LANCL1: variants seen among roughly 807,000 people sequenced by gnomAD.
LANCL1 encodes glutathione S-transferase LANCL1.
Under a neutral mutation model 50.6 loss-of-function variants are expected in LANCL1, and 50 were observed. That is an observed-to-expected ratio of 0.99 (90% CI 0.79 to 1.25). The LOEUF (loss-of-function observed/expected upper bound fraction) is 1.25. LANCL1 is among the 50% of genes most tolerant of loss of function. LANCL1 has a pLI of 0.00. For synonymous variants in LANCL1, 188 were observed against 178.6 expected, an observed-to-expected ratio of 1.05 and a Z score of -0.42; for missense variants, 532 against 480.7, an observed-to-expected ratio of 1.11 and a Z score of -1.00.
chr2:210,449,008 G>GGCCA (rs1463339184), intron 4 of LANCL1, among the ~76,000 whole-genome samples: 7 of 150,298 alleles, frequency 4.7e-5, no homozygotes, highest in Non-Finnish European at 7.5e-5. Flanking sequence ...CATTTTATGA[G>GGCCA]GCATCATCCT....
At position 210,434,265 on chromosome 2, in the gene LANCL1, G is replaced by A. The variant is rs1233367874; in HGVS notation, c.*222C>T. ...TACATATCACTCACTCTCCCTTTAG[G>A]AAGAAATGGAAATTAAAGTTAAAAG... On this transcript the variant is annotated 3_prime_UTR_variant, in exon 10 of 10. Coordinates refer to ENST00000450366, the MANE Select transcript of LANCL1 (RefSeq NM_006055.3). The A allele has an allele frequency of 2.1e-6, 1 of 476,428 alleles. No homozygotes were observed. The highest frequency in any genetic ancestry group is 2.0e-5 in the African/African-American group (1 of 50,980). 29.5% of individuals were successfully genotyped at this position (476,428 alleles called of 1,614,324 possible). A position where few individuals can be genotyped will look rare whatever the true frequency, so the allele number is the denominator to read the frequency against.
intron 9 of LANCL1, 95 bp from the exon 10 acceptor site, chr2:210,434,658 T>C: frequency 1.0e-6 from 1 of 959,626 alleles, no homozygotes; most frequent in African/African-American, 1.6e-5. Flanking sequence ...ACAAAAAAAG[T>C]CACAGCATTT....
At chr2:210,463,024 A>G (rs1221796937) in intron 3 of LANCL1, among the ~76,000 whole-genome samples, 1 of 152,222 alleles carries the variant, frequency 6.6e-6, no homozygotes, top group South Asian at 2.1e-4. Context: ...AGAGGCTGAG[A>G]GTAAACACAC....
chr2:210,452,260 G>C (rs58058632), intron 4 of LANCL1, among the ~76,000 whole-genome samples: 1 of 150,748 alleles, frequency 6.6e-6, no homozygotes, highest in Non-Finnish European at 1.5e-5. Context: ...GTCCATTACT[G>C]ACTCGTCACA....
chr2:210,472,362 G>A (rs1206099766), intron 2 of LANCL1, among the ~76,000 whole-genome samples: 3 of 151,996 alleles, frequency 2.0e-5, no homozygotes, highest in East Asian at 1.9e-4. Flanking sequence ...AATAGTAATC[G>A]TCTATTATTT....
At chr2:210,471,678 A>G (rs1694228097) in intron 3 of LANCL1, 2 of 590,192 alleles carry the variant, frequency 3.4e-6, no homozygotes, top group Middle Eastern at 2.7e-4. Flanking sequence ...ACTATGTAAT[A>G]TTGAAAATCA....
rs910423497 is a variant in LANCL1, at chr2:210,431,613, CAA to C, written c.*2872_*2873del. Reference sequence around the variant, plus strand: ...AAAGGCAGGGCATCGTAAGATCAGACAAAAATTAACCTGAGGACATAGTAGCA... The same window carrying C: ...AAAGGCAGGGCATCGTAAGATCAGACAAATTAACCTGAGGACATAGTAGCA... On this transcript the variant is annotated 3_prime_UTR_variant, in exon 10 of 10. Transcript: ENST00000450366. 1.3e-5 allele frequency: 2 copies of C among 152,124 alleles called. No homozygotes were observed. Among genetic ancestry groups the C allele is most frequent in the Non-Finnish European group, 2.9e-5 (2 of 68,024 alleles). The allele number at this position is 152,124 out of a possible 1,614,324, so 9.4% of individuals were successfully genotyped here.
intron 4 of LANCL1, among the ~76,000 whole-genome samples, chr2:210,449,213 A>C (rs566880361): frequency 4.6e-5 from 7 of 152,320 alleles, no homozygotes; most frequent in African/African-American, 1.7e-4. Context: ...CAAATCAATA[A>C]ATGTAATCCG....
In LANCL1 at chr2:210,455,256, C is replaced by A. The variant is rs757378270; in HGVS notation, c.258G>T (p.Gln86His). Residue 86 changes from glutamine to histidine, a missense_variant, in exon 4 of 10, where the codon CAG becomes CAT. By Grantham distance (24) the Gln-to-His change is conservative. Transcript: ENST00000450366. ...TTTGCTTTACATAGCCATGTGCTAA[C>A]TGTAGGTAGGCAGGGTCCCCAAATA... ...YDVFGDPAYL[Q>H]LAHGYVKQSL... is the part of the protein sequence containing the mutation. 1.9e-6 allele frequency: 3 copies of A among 1,611,176 alleles called. No individual in the cohort carries two copies. Among genetic ancestry groups the A allele is most frequent in the South Asian group, 1.1e-5 (1 of 91,018 alleles).
Position 210,454,355 on chromosome 2 carries a change from A to T in LANCL1, c.407+752T>A, listed in dbSNP as rs77046790. On this transcript the variant is annotated intron_variant, in intron 4 of 9. Coordinates refer to ENST00000450366, the MANE Select transcript of LANCL1 (RefSeq NM_006055.3). ...AAAGCCTGTTGTTTAAATATACACC[A>T]GCAAACAGTATAAGATTAGCCAACG... Among the ~76,000 whole-genome samples, 118 of 152,282 alleles carry T rather than the reference A, an allele frequency of 7.7e-4. 2 individuals are homozygous for T. The highest frequency in any genetic ancestry group is 2.8e-3 in the African/African-American group (116 of 41,556).
At chr2:210,444,790 C>T (rs531886000) in intron 4 of LANCL1, among the ~76,000 whole-genome samples, 2 of 152,110 alleles carry the variant, frequency 1.3e-5, no homozygotes, top group African/African-American at 4.8e-5. Flanking sequence ...TTTTTTAAAA[C>T]AATAGGGCTT....
chr2:210,452,727 T>C (rs1048052547), intron 4 of LANCL1, among the ~76,000 whole-genome samples: 2 of 152,154 alleles, frequency 1.3e-5, no homozygotes, highest in African/African-American at 2.4e-5. Flanking sequence ...GATTAGACTT[T>C]TGATGATCTC....
At chr2:210,467,490 A>T (rs746962776) in intron 3 of LANCL1, among the ~76,000 whole-genome samples, 1 of 152,224 alleles carries the variant, frequency 6.6e-6, no homozygotes, top group Non-Finnish European at 1.5e-5. Context: ...AATGAACAGT[A>T]AATGTATTTT....
At chr2:210,446,922 T>A (rs1339419373) in intron 4 of LANCL1, among the ~76,000 whole-genome samples, 1 of 152,136 alleles carries the variant, frequency 6.6e-6, no homozygotes, top group Non-Finnish European at 1.5e-5. Flanking sequence ...TTGGAAACAC[T>A]CTTCAGGATA....
chr2:210,441,337 C>T lies in LANCL1; in HGVS notation c.514G>A (p.Glu172Lys). The change falls in exon 5 of 10, where the codon GAA (glutamate) becomes AAA (lysine). Residue 172 changes from glutamate to lysine, a missense_variant. Physicochemically the swap from Glu to Lys is moderately conservative, Grantham distance 56 (BLOSUM62 1). Transcript: ENST00000450366. ...LLFVNKNFGV[E>K]KIPQSHIQQI... Reference sequence around the variant, plus strand: ...TGAATATGGCTTTGAGGAATCTTTTCCACTCCAAAGTTCTTATTGACAAAA... The same window carrying T: ...TGAATATGGCTTTGAGGAATCTTTTTCACTCCAAAGTTCTTATTGACAAAA... The T allele has an allele frequency of 5.0e-6, 8 of 1,612,664 alleles. No individual in the cohort carries two copies. The highest frequency in any genetic ancestry group is 6.8e-6 in the Non-Finnish European group (8 of 1,179,242).
At chr2:210,451,422 T>G (rs549475236) in intron 4 of LANCL1, among the ~76,000 whole-genome samples, 1 of 152,226 alleles carries the variant, frequency 6.6e-6, no homozygotes, top group South Asian at 2.1e-4. Flanking sequence ...TGTATACCTG[T>G]GTAACAAACC....
Position 210,468,001 on chromosome 2 carries a change from A to C in LANCL1, c.199+3958T>G, listed in dbSNP as rs192612845. The C allele has an allele frequency of 6.6e-5, 10 of 152,338 alleles. No homozygotes were observed. The East Asian group carries it at 1.9e-3, about 29-fold the overall frequency. The allele number at this position is 152,338 out of a possible 1,614,324, so 9.4% of individuals were successfully genotyped here. A position where few individuals can be genotyped will look rare whatever the true frequency, so the allele number is the denominator to read the frequency against. On this transcript the variant is annotated intron_variant, in intron 3 of 9. Transcript: ENST00000450366. Reference sequence around the variant, plus strand: ...AAAATAAGGGTTTGGGAGAAAGCAGAAAAGAATGGCAAGTAACTGTTTAAT... The same window carrying C: ...AAAATAAGGGTTTGGGAGAAAGCAGCAAAGAATGGCAAGTAACTGTTTAAT...
chr2:210,453,753 G>A (rs1016782477), intron 4 of LANCL1, among the ~76,000 whole-genome samples: 1 of 152,148 alleles, frequency 6.6e-6, no homozygotes, highest in African/African-American at 2.4e-5. Flanking sequence ...GGTAGTCTCT[G>A]TGTTTCAAAT....
At position 210,440,235 on chromosome 2, in the gene LANCL1, A is replaced by C. The variant is rs1202667851; in HGVS notation, c.690+363T>G. Among the ~76,000 whole-genome samples the C allele has an allele frequency of 2.0e-5, 3 of 152,268 alleles. No homozygotes were observed. The East Asian group carries it at 5.8e-4, about 29-fold the overall frequency. Reference sequence around the variant, plus strand: ...CCTGGAATTTGTTGGAATCAGTTGTACCTTTTAATGTGGAATAATAGTTTT... The same window carrying C: ...CCTGGAATTTGTTGGAATCAGTTGTCCCTTTTAATGTGGAATAATAGTTTT... On this transcript the variant is annotated intron_variant, in intron 6 of 9. Transcript: ENST00000450366.
Sources: allele counts gnomAD v4.1 joint callset (sites outside exome capture counted in the v4.1 genomes callset), GRCh38; gene constraint gnomAD v4.1.1; transcripts MANE v1.5; gene names NCBI Gene and HGNC (gene_info 2026-07-23, HGNC 2026-07-21).